COL5A1: variants seen among roughly 807,000 people sequenced by gnomAD.
COL5A1 encodes collagen type V alpha 1 chain.
Under a neutral mutation model 263.7 loss-of-function variants are expected in COL5A1, and 16 were observed. The ratio of observed to expected loss-of-function variants is 0.06; its 90% confidence interval spans 0.04 to 0.09. COL5A1 has a LOEUF of 0.09. Among genes scored for constraint, COL5A1 ranks in the 10% least tolerant of loss-of-function variants. The pLI is 1.00. For missense variants in COL5A1, 2,036 were observed against 2,540.5 expected, an observed-to-expected ratio of 0.80 and a Z score of 4.27; for synonymous variants, 1,012 against 1,004.5, an observed-to-expected ratio of 1.01 and a Z score of -0.14.
intron 32 of COL5A1, among the ~76,000 whole-genome samples, chr9:134,793,142 G>A (rs1305430169): frequency 5.9e-5 from 9 of 151,868 alleles, no homozygotes; most frequent in Admixed American, 6.5e-5. Context: ...CTCGGGCCTC[G>A]GGCCAAGGAG....
intron 1 of COL5A1, among the ~76,000 whole-genome samples, chr9:134,684,796 A>G (rs1257251774): frequency 2.6e-5 from 4 of 152,172 alleles, no homozygotes; most frequent in East Asian, 3.9e-4. Context: ...AAGGCTGACA[A>G]CTTAGTGCAG....
In COL5A1 at chr9:134,810,313, G is replaced by A. The variant is rs776091024; in HGVS notation, c.3528+5G>A. ...AAGGGGGACAAAGGAGAACAGGTAA[G>A]TATTGGCACGGGGGCGCGCGGCAGC... On this transcript the variant is annotated splice_donor_5th_base_variant and intron_variant, in intron 44 of 65. Coordinates refer to ENST00000371817, the MANE Select transcript of COL5A1 (RefSeq NM_000093.5). 1 of 1,613,944 alleles carries A rather than the reference G, an allele frequency of 6.2e-7. No individual in the cohort carries two copies. The highest frequency in any genetic ancestry group is 8.5e-7 in the Non-Finnish European group (1 of 1,179,792).
chr9:134,659,845 G>T (rs1161455894), intron 1 of COL5A1, among the ~76,000 whole-genome samples: 2 of 152,200 alleles, frequency 1.3e-5, no homozygotes, highest in East Asian at 3.8e-4. Flanking sequence ...TGCTTAAGGG[G>T]GTGAGCTGCC....
At chr9:134,806,405 A>C (rs1838298976) in intron 42 of COL5A1, 109 bp downstream of exon 42, 1 of 790,164 alleles carries the variant, frequency 1.3e-6, no homozygotes, top group Non-Finnish European at 2.0e-6. Context: ...TTTCCTTGGG[A>C]TTGGGGATGG....
chr9:134,757,871 G>A lies in COL5A1; in HGVS notation c.1882-372G>A, dbSNP rs916813532. Among the ~76,000 whole-genome samples, 1 of 152,098 alleles carries A rather than the reference G, an allele frequency of 6.6e-6. No homozygotes were observed. Among genetic ancestry groups the A allele is most frequent in the Admixed American group, 6.5e-5 (1 of 15,272 alleles). ...CGGCACCATGGATACAGCTGTGAGC[G>A]GACACACCGGGACCCTGCTCTCCTG... On this transcript the variant is annotated intron_variant, in intron 17 of 65. Transcript: ENST00000371817. This position sits in a 1 kb window ranked among gnomAD's most constrained non-coding sequence, Gnocchi z 6.2.
rs1214137716 is a variant in COL5A1, at chr9:134,797,482, C to CT, written c.2898+584dup. Among the ~76,000 whole-genome samples the CT allele has an allele frequency of 5.7e-3, 633 of 110,452 alleles. 4 individuals carry two copies. Among genetic ancestry groups the CT allele is most frequent in the African/African-American group, 0.021 (603 of 28,746 alleles). The allele number at this position is 110,452 out of a possible 152,430, so 72.5% of individuals were successfully genotyped here. A position where few individuals can be genotyped will look rare whatever the true frequency, so the allele number is the denominator to read the frequency against. Reference sequence around the variant, plus strand: ...TCTGTGTCTCTCTGTCTTCTAATCTCTTTCTTTTTTTGTTTTTTGAGACAG... The same window carrying CT: ...TCTGTGTCTCTCTGTCTTCTAATCTCTTTTCTTTTTTTGTTTTTTGAGACAG... On this transcript the variant is annotated intron_variant, in intron 36 of 65. Transcript: ENST00000371817.
In COL5A1 at chr9:134,716,061, G is replaced by A. The variant is rs1346059527; in HGVS notation, c.655-11205G>A. Among the ~76,000 whole-genome samples the A allele has an allele frequency of 6.6e-6, 1 of 152,068 alleles. No individual in the cohort carries two copies. The highest frequency in any genetic ancestry group is 1.5e-5 in the Non-Finnish European group (1 of 68,008). On this transcript the variant is annotated intron_variant, in intron 4 of 65. Coordinates refer to ENST00000371817, the MANE Select transcript of COL5A1 (RefSeq NM_000093.5). This position sits in a 1 kb window ranked among gnomAD's most constrained non-coding sequence, Gnocchi z 4.5. The stretch of plus-strand genomic sequence containing the variant: ...TTTTGGTGCTGGTAGCACTGCTGGT[G>A]GTGGTCATGATGCTAGCAGTGTGGT...
intron 32 of COL5A1, among the ~76,000 whole-genome samples, chr9:134,793,828 G>C (rs1028797786): frequency 5.9e-5 from 9 of 152,206 alleles, no homozygotes; most frequent in Non-Finnish European, 1.2e-4. Context: ...TATCACCATA[G>C]TAATTGAAGA....
chr9:134,763,344 G>A (rs1836539113), intron 19 of COL5A1, among the ~76,000 whole-genome samples: 1 of 152,206 alleles, frequency 6.6e-6, no homozygotes, highest in African/African-American at 2.4e-5. Flanking sequence ...AGGGGATCTT[G>A]TGACTCTCCC....
chr9:134,743,030 C>T (rs571332949), intron 11 of COL5A1, among the ~76,000 whole-genome samples: 52 of 152,328 alleles, frequency 3.4e-4, no homozygotes, highest in African/African-American at 1.1e-3. Context: ...TGCTTGTGAG[C>T]GCCCCCTACA....
intron 1 of COL5A1, chr9:134,649,552 C>G (rs1394973450): frequency 2.1e-6 from 1 of 469,560 alleles, no homozygotes; most frequent in East Asian, 7.0e-5. Context: ...GCCAGGACCT[C>G]GGCAATAGGG....
Position 134,696,926 on chromosome 9 carries a change from C to T in COL5A1, c.278-2983C>T, listed in dbSNP as rs1001978118. On this transcript the variant is annotated intron_variant, in intron 2 of 65. Coordinates refer to ENST00000371817, the MANE Select transcript of COL5A1 (RefSeq NM_000093.5). The surrounding 1 kb of genome is among the most constrained non-coding windows in gnomAD (Gnocchi z 4.3). ...CCTACTAAAAATACAAAAAAATTAGCCAGGCTTGGTGGCGGGTGCCTGTAG... is the reference window on the plus strand; with the variant it reads ...CCTACTAAAAATACAAAAAAATTAGTCAGGCTTGGTGGCGGGTGCCTGTAG... Among the ~76,000 whole-genome samples, 1 of 152,150 alleles carries T rather than the reference C, an allele frequency of 6.6e-6. No individual in the cohort carries two copies. The highest frequency in any genetic ancestry group is 2.1e-4 in the South Asian group (1 of 4,814).
At chr9:134,669,441 C>T (rs1237634778) in intron 1 of COL5A1, among the ~76,000 whole-genome samples, 1 of 151,880 alleles carries the variant, frequency 6.6e-6, no homozygotes, top group East Asian at 1.9e-4. Context: ...TGTCATAGCA[C>T]TGGGCTGCCT....
intron 62 of COL5A1, 124 bp downstream of exon 62, chr9:134,824,979 C>A: frequency 7.4e-7 from 1 of 1,350,090 alleles, no homozygotes; most frequent in Non-Finnish European, 9.9e-7. Flanking sequence ...GCCGCAGCCT[C>A]CCCATCTGTG....
At chr9:134,664,117 G>C (rs1003160678) in intron 1 of COL5A1, among the ~76,000 whole-genome samples, 1 of 152,216 alleles carries the variant, frequency 6.6e-6, no homozygotes, top group Non-Finnish European at 1.5e-5. Flanking sequence ...ATGTTGGCTG[G>C]GAAAGACAGG....
intron 27 of COL5A1, among the ~76,000 whole-genome samples, chr9:134,779,389 G>T (rs1311130503): frequency 5.9e-5 from 9 of 152,240 alleles, no homozygotes; most frequent in Admixed American, 4.6e-4. Flanking sequence ...CTCCTGTTCA[G>T]CAGGGAGGTG....
In COL5A1 at chr9:134,748,000, TACACATGCATTCAC is replaced by T. The variant is rs1198577644; in HGVS notation, c.1495-2528_1495-2515del. On this transcript the variant is annotated intron_variant, in intron 11 of 65. Transcript: ENST00000371817. Reference sequence around the variant, plus strand: ...ACACACACATGCATTCACACACACATACACATGCATTCACACACATGCATTCATACACATGCAGA... The same window carrying T: ...ACACACACATGCATTCACACACACATACACATGCATTCATACACATGCAGA... Among the ~76,000 whole-genome samples the T allele has an allele frequency of 3.0e-3, 242 of 80,414 alleles. 2 individuals are homozygous for T. Among genetic ancestry groups the T allele is most frequent in the South Asian group, 0.015 (41 of 2,728 alleles). The allele number at this position is 80,414 out of a possible 152,430, so 52.8% of individuals were successfully genotyped here. A position where few individuals can be genotyped will look rare whatever the true frequency, so the allele number is the denominator to read the frequency against.
At chr9:134,744,845 A>G (rs574945929) in intron 11 of COL5A1, among the ~76,000 whole-genome samples, 1 of 151,534 alleles carries the variant, frequency 6.6e-6, no homozygotes, top group South Asian at 2.1e-4. Context: ...ACTCATCCAT[A>G]CACATGCACA....
intron 4 of COL5A1, among the ~76,000 whole-genome samples, chr9:134,723,068 T>A (rs1834521711): frequency 6.6e-6 from 1 of 152,158 alleles, no homozygotes; most frequent in South Asian, 2.1e-4. Context: ...CCGTGCTCTG[T>A]CCCTTTGTGG....
Sources: allele counts gnomAD v4.1 joint callset (sites outside exome capture counted in the v4.1 genomes callset), GRCh38; gene constraint gnomAD v4.1.1; non-coding constraint Gnocchi (gnomAD v3.1); transcripts MANE v1.5; gene names NCBI Gene and HGNC (gene_info 2026-07-23, HGNC 2026-07-21).